KLHL1: variants seen among roughly 807,000 people sequenced by gnomAD.
KLHL1 encodes kelch like family member 1, also known as kelch-like protein 1.
In KLHL1, 47 loss-of-function variants were observed where a neutral mutation model predicts 77.7. That is an observed-to-expected ratio of 0.60 (90% CI 0.48 to 0.77). The LOEUF (loss-of-function observed/expected upper bound fraction) is 0.77, where lower values mean the gene tolerates loss of function less well. KLHL1 is among the 30% of genes least tolerant of loss of function. KLHL1 has a pLI of 0.00. For synonymous variants in KLHL1, 360 were observed against 325.2 expected, an observed-to-expected ratio of 1.11 and a Z score of -1.15; for missense variants, 925 against 910.8, an observed-to-expected ratio of 1.02 and a Z score of -0.20.
Position 70,026,703 on chromosome 13 carries a change from GGTGTGT to G in KLHL1, c.498-50907_498-50902del, listed in dbSNP as rs3072710. ...AGTTGCTGTCAATTTAAGAACTTAGGGTGTGTGTGTGTGTGTGTGTGTGTGTGTGTG... is the reference window on the plus strand; with the variant it reads ...AGTTGCTGTCAATTTAAGAACTTAGGGTGTGTGTGTGTGTGTGTGTGTGTG... On this transcript the variant is annotated intron_variant, in intron 1 of 10. Coordinates refer to ENST00000377844, the MANE Select transcript of KLHL1 (RefSeq NM_020866.3). 9.7e-3 allele frequency among the ~76,000 whole-genome samples: 831 copies of G among 85,238 alleles called. 6 individuals carry two copies. The highest frequency in any genetic ancestry group is 0.018 in the Middle Eastern group (3 of 166). The allele number at this position is 85,238 out of a possible 152,430, so 55.9% of individuals were successfully genotyped here. A position where few individuals can be genotyped will look rare whatever the true frequency, so the allele number is the denominator to read the frequency against.
At chr13:70,021,511 C>T (rs888026827) in intron 1 of KLHL1, among the ~76,000 whole-genome samples, 2 of 152,044 alleles carry the variant, frequency 1.3e-5, no homozygotes, top group African/African-American at 2.4e-5. Context: ...ATTTTCAGCT[C>T]CTTTGAGTAA....
intron 1 of KLHL1, among the ~76,000 whole-genome samples, chr13:70,077,109 A>G (rs1887284844): frequency 6.6e-6 from 1 of 151,952 alleles, no homozygotes; most frequent in African/African-American, 2.4e-5. Flanking sequence ...ATGAAACTGC[A>G]ATTGAGCTTT....
intron 4 of KLHL1, among the ~76,000 whole-genome samples, chr13:69,913,652 A>G (rs1882317329): frequency 6.6e-6 from 1 of 152,248 alleles, no homozygotes; most frequent in Non-Finnish European, 1.5e-5. Context: ...AAACTTTAAC[A>G]GACAACACAT....
At chr13:69,834,709 T>C (rs181467227) in intron 6 of KLHL1, among the ~76,000 whole-genome samples, 1 of 152,252 alleles carries the variant, frequency 6.6e-6, no homozygotes, top group Admixed American at 6.5e-5. Context: ...ATTAGAAAGT[T>C]TCTGTTGCCA....
At chr13:69,899,018 A>T (rs1415976345) in intron 4 of KLHL1, among the ~76,000 whole-genome samples, 1 of 146,130 alleles carries the variant, frequency 6.8e-6, no homozygotes, top group African/African-American at 2.5e-5. Context: ...AAAATTACAC[A>T]TTTTTTTTTT....
intron 1 of KLHL1, among the ~76,000 whole-genome samples, chr13:70,037,128 A>G (rs1365327225): frequency 1.3e-5 from 2 of 151,898 alleles, no homozygotes; most frequent in Non-Finnish European, 2.9e-5. Flanking sequence ...ACTTAGTAAG[A>G]TATTTTTCAC....
chr13:69,791,807 A>G (rs76643702), intron 7 of KLHL1, among the ~76,000 whole-genome samples: 1 of 152,152 alleles, frequency 6.6e-6, no homozygotes, highest in Non-Finnish European at 1.5e-5. Context: ...AAGACCTTAA[A>G]TGTTTGAAAT....
chr13:69,821,410 G>T (rs183443318), intron 6 of KLHL1, among the ~76,000 whole-genome samples: 183 of 152,158 alleles, frequency 1.2e-3, no homozygotes, highest in African/African-American at 4.1e-3. Flanking sequence ...CACCTCCCAG[G>T]TTCAAGCAAT....
chr13:69,721,447 C>A (rs1873059777), intron 8 of KLHL1, among the ~76,000 whole-genome samples: 1 of 151,632 alleles, frequency 6.6e-6, no homozygotes. Context: ...GTAAAATAAA[C>A]TTCTTAAATT....
In KLHL1 at chr13:69,933,793, AG is replaced by A. The variant is rs1219241281; in HGVS notation, c.1014+6246del. Among the ~76,000 whole-genome samples, 23 of 151,932 alleles carry A rather than the reference AG, an allele frequency of 1.5e-4. 1 individual carries two copies. Among genetic ancestry groups the A allele is most frequent in the Admixed American group, 1.5e-3 (23 of 15,230 alleles). On this transcript the variant is annotated intron_variant, in intron 4 of 10. Transcript: ENST00000377844. ...GGTAGCACCGGACAGAAAACAGAGA[AG>A]GGGGAAAAAAAAATACTTGAGAAAA...
chr13:69,711,339 A>G (rs1875868855), intron 9 of KLHL1, among the ~76,000 whole-genome samples: 1 of 152,080 alleles, frequency 6.6e-6, no homozygotes, highest in African/African-American at 2.4e-5. Flanking sequence ...ACAAAAAAAG[A>G]AATAAATGAA....
In KLHL1 at chr13:70,074,733, C is replaced by T. The variant is rs75752906; in HGVS notation, c.497+32470G>A. Reference sequence around the variant, plus strand: ...AGCCATATTCAGTGAAACTTTAACCCGAGCAAGCAAGAAAAAAAAAAAATT... The same window carrying T: ...AGCCATATTCAGTGAAACTTTAACCTGAGCAAGCAAGAAAAAAAAAAAATT... On this transcript the variant is annotated intron_variant, in intron 1 of 10. Coordinates refer to ENST00000377844, the MANE Select transcript of KLHL1 (RefSeq NM_020866.3). Among the ~76,000 whole-genome samples the T allele has an allele frequency of 1.2e-4, 13 of 106,452 alleles. No homozygotes were observed. In the South Asian group the frequency reaches 4.6e-3, roughly 38 times the overall value. 69.8% of individuals were successfully genotyped at this position (106,452 alleles called of 152,430 possible). A position where few individuals can be genotyped will look rare whatever the true frequency, so the allele number is the denominator to read the frequency against.
intron 4 of KLHL1, among the ~76,000 whole-genome samples, chr13:69,884,441 A>AC: frequency 6.6e-6 from 1 of 151,918 alleles, no homozygotes; most frequent in East Asian, 1.9e-4. Flanking sequence ...AAAAAAAAAA[A>AC]AAAAACTACG....
chr13:69,810,114 C>T (rs112720711), intron 6 of KLHL1, among the ~76,000 whole-genome samples: 3,655 of 152,166 alleles, frequency 0.024, 144 homozygotes, highest in African/African-American at 0.084. Context: ...ACCTTACTGA[C>T]AGCATTAGAC....
rs367687430 is a variant in KLHL1 at position 70,084,907 on chromosome 13, C to T, written c.497+22296G>A. Among the ~76,000 whole-genome samples, 6 of 151,834 alleles carry T rather than the reference C, an allele frequency of 4.0e-5. No homozygotes were observed. The South Asian group carries it at 8.3e-4, about 21-fold the overall frequency. On this transcript the variant is annotated intron_variant, in intron 1 of 10. Coordinates refer to ENST00000377844, the MANE Select transcript of KLHL1 (RefSeq NM_020866.3). ...TCTTAAAAGAAAACAAGATCTAAAA[C>T]GCGGAATTTTGAAGCAAATTCTTCA...
intron 6 of KLHL1, among the ~76,000 whole-genome samples, chr13:69,801,529 C>A (rs908952479): frequency 6.6e-6 from 1 of 151,862 alleles, no homozygotes; most frequent in Non-Finnish European, 1.5e-5. Flanking sequence ...ATTGTGTGAG[C>A]TTTTGTACAG....
intron 8 of KLHL1, among the ~76,000 whole-genome samples, chr13:69,722,443 T>G (rs1305099339): frequency 6.6e-6 from 1 of 151,946 alleles, no homozygotes; most frequent in Non-Finnish European, 1.5e-5. Context: ...TATATCTATC[T>G]AATCTAGTAT....
intron 1 of KLHL1, among the ~76,000 whole-genome samples, chr13:70,105,630 G>A (rs1214980064): frequency 6.6e-6 from 1 of 151,116 alleles, no homozygotes; most frequent in Non-Finnish European, 1.5e-5. Context: ...AATGTTTCTG[G>A]ATAATTCCTC....
At chr13:69,972,213 G>A (rs1327931844) in intron 2 of KLHL1, among the ~76,000 whole-genome samples, 2 of 151,830 alleles carry the variant, frequency 1.3e-5, no homozygotes, top group East Asian at 1.9e-4. Context: ...TCTTTTTAAT[G>A]TATTTAATGT....
Sources: allele counts gnomAD v4.1 joint callset (sites outside exome capture counted in the v4.1 genomes callset), GRCh38; gene constraint gnomAD v4.1.1; transcripts MANE v1.5; gene names NCBI Gene and HGNC (gene_info 2026-07-23, HGNC 2026-07-21).